WDR87: variants seen among roughly 807,000 people sequenced by gnomAD.
WDR87 encodes the protein WD repeat domain 87, also known as WD repeat-containing protein 87.
A neutral mutation model predicts 83.3 loss-of-function variants in WDR87; 56 were observed. That is an observed-to-expected ratio of 0.67 (90% CI 0.54 to 0.84). The LOEUF is 0.84. WDR87 is among the 40% of genes least tolerant of loss of function. WDR87 has a pLI of 0.00. For synonymous variants in WDR87, 1,173 were observed against 1,250.6 expected, an observed-to-expected ratio of 0.94 and a Z score of 1.31; for missense variants, 2,939 against 3,431.9, an observed-to-expected ratio of 0.86 and a Z score of 3.59.
intron 4 of WDR87, among the ~76,000 whole-genome samples, chr19:37,892,245 G>A (rs2046212242): frequency 6.6e-6 from 1 of 152,112 alleles, no homozygotes; most frequent in African/African-American, 2.4e-5. Context: ...ATTAGCCAGT[G>A]TGGTGGTGCA....
At position 37,894,693 on chromosome 19, in the gene WDR87, G is replaced by A; in HGVS notation, c.1010C>T (p.Thr337Ile). Residue 337 changes from threonine to isoleucine, a missense_variant, in exon 4 of 6, where the codon ACT becomes ATT. By Grantham distance (89) the Thr-to-Ile change is moderately conservative (BLOSUM62 -1). Transcript: ENST00000447313. ...LYRLQFIDSI[T>I]FFCQTAHSFS... ...ACTATGGGCAGTTTGGCAGAAGAAA[G>A]TAATGCTGTCAATAAACTGGAGCCG... 3 of 1,551,758 alleles carry A rather than the reference G, an allele frequency of 1.9e-6. No individual in the cohort carries two copies. The highest frequency in any genetic ancestry group is 2.6e-6 in the Non-Finnish European group (3 of 1,147,006).
chr19:37,894,051 A>G lies in WDR87; in HGVS notation c.1652T>C (p.Leu551Pro). Reference sequence around the variant, plus strand: ...GTGACAGCTGCTGAGAATGCTGGCGAGAGGCCGCAGTTGTACTTTGACCCC... The same window carrying G: ...GTGACAGCTGCTGAGAATGCTGGCGGGAGGCCGCAGTTGTACTTTGACCCC... ...LDGVKVQLRP[L>P]ASILSSCHLT... Residue 551 changes from leucine to proline, a missense_variant, in exon 4 of 6, where the codon CTC becomes CCC. Coordinates refer to ENST00000447313, the MANE Select transcript of WDR87 (RefSeq NM_001291088.2). The G allele has an allele frequency of 6.4e-7, 1 of 1,552,048 alleles. No homozygotes were observed. Among genetic ancestry groups the G allele is most frequent in the South Asian group, 1.2e-5 (1 of 84,062 alleles).
In WDR87 at chr19:37,888,680, TG is replaced by T. The variant is rs771676035; in HGVS notation, c.4990del (p.Gln1664ArgfsTer27). ...KLAQAYVKITQDDREMAQAEG... is the reference protein window; with the variant it reads ...KLAQAYVKITXDDREMAQAEG... ...TGCCTGGGCCATTTCCCTGTCATCC[TG>T]GGTTATTTTCACGTATGCCTGGGCC... On this transcript the variant is annotated frameshift_variant, in exon 6 of 6. Transcript: ENST00000447313. LOFTEE classifies it low-confidence loss of function (END_TRUNC). 1 of 1,551,940 alleles carries T rather than the reference TG, an allele frequency of 6.4e-7. No individual in the cohort carries two copies. The highest frequency in any genetic ancestry group is 1.4e-5 in the African/African-American group (1 of 72,992).
chr19:37,887,795 T>A lies in WDR87; in HGVS notation c.5876A>T (p.Glu1959Val). ...AETEKKLVQV[E>V]DSLAKKQEKL... ...CTCCTGTTTTTTGGCCAAACTATCC[T>A]CTACTTGGACCAATTTTTTCTCTGT... Residue 1959 changes from glutamate (E) to valine (V), a missense_variant, in exon 6 of 6, where the codon GAG becomes GTG. Physicochemically the swap from Glu to Val is moderately radical, Grantham distance 121. Around this residue, in one of 3 missense-constraint regions of WDR87, gnomAD observed 2,160 missense variants for 2,533.1 expected, o/e 0.85. Coordinates refer to ENST00000447313, the MANE Select transcript of WDR87 (RefSeq NM_001291088.2). 1 of 1,551,594 alleles carries A rather than the reference T, an allele frequency of 6.4e-7. No homozygotes were observed.
Position 37,887,159 on chromosome 19 carries a change from A to C in WDR87, c.6512T>G (p.Leu2171Arg). 1.3e-6 allele frequency: 2 copies of C among 1,551,342 alleles called. No individual in the cohort carries two copies. The highest frequency in any genetic ancestry group is 1.7e-6 in the Non-Finnish European group (2 of 1,146,994). The change falls in exon 6 of 6, where the codon CTG (leucine) becomes CGG (arginine). Residue 2171 changes from leucine (L) to arginine (R), a missense_variant. Physicochemically the swap from Leu to Arg is moderately radical, Grantham distance 102 (BLOSUM62 -2). This residue lies in a region of WDR87 where 2,160 missense variants were observed against 2,533.1 expected (regional missense o/e 0.85). Coordinates refer to ENST00000447313, the MANE Select transcript of WDR87 (RefSeq NM_001291088.2). ...EWDFSEKRSELTKDEKKLARK... is the reference protein window; with the variant it reads ...EWDFSEKRSERTKDEKKLARK... ...AGCCAGTTTCTTCTCATCTTTAGTCAGTTCTGATCGTTTTTCAGAAAAATC... is the reference window on the plus strand; with the variant it reads ...AGCCAGTTTCTTCTCATCTTTAGTCCGTTCTGATCGTTTTTCAGAAAAATC...
rs777798103 is a variant in WDR87 at position 37,884,932 on chromosome 19, T to C, written c.8739A>G (p.Ter2913=). ...ALTHTVAPTL[*] is the part of the protein sequence containing the mutation. ...GTCCCAGCCTCCAGTCAGTCCCAAA[T>C]TAGAGAGTGGGAGCAACGGTGTGTG... The change falls in exon 6 of 6, where the codon TAA becomes TAG. Residue 2913 remains the stop codon, a stop_retained_variant. Transcript: ENST00000447313. 1.5e-6 allele frequency: 2 copies of C among 1,293,646 alleles called. No individual in the cohort carries two copies. Among genetic ancestry groups the C allele is most frequent in the Non-Finnish European group, 2.0e-6 (2 of 1,013,998 alleles). The allele number at this position is 1,293,646 out of a possible 1,614,324, so 80.1% of individuals were successfully genotyped here.
chr19:37,887,984 T>C lies in WDR87; in HGVS notation c.5687A>G (p.Lys1896Arg). The change falls in exon 6 of 6, where the codon AAA (lysine) becomes AGA (arginine). Residue 1896 changes from lysine (K) to arginine (R), a missense_variant. This residue lies in a region of WDR87 where 2,160 missense variants were observed against 2,533.1 expected (regional missense o/e 0.85). Transcript: ENST00000447313. ...AQEKEKLAQRKENLLYNKERL... is the reference protein window; with the variant it reads ...AQEKEKLAQRRENLLYNKERL... ...TTCTTTATTATAGAGTAGGTTCTCTTTCCTCTGAGCCAATTTTTCCTTCTC... is the reference window on the plus strand; with the variant it reads ...TTCTTTATTATAGAGTAGGTTCTCTCTCCTCTGAGCCAATTTTTCCTTCTC... The C allele has an allele frequency of 6.5e-7, 1 of 1,550,300 alleles. No individual in the cohort carries two copies. The highest frequency in any genetic ancestry group is 8.7e-7 in the Non-Finnish European group (1 of 1,146,782).
intron 1 of WDR87, among the ~76,000 whole-genome samples, chr19:37,899,081 TTGTTG>T (rs1323573630): frequency 1.6e-5 from 2 of 126,066 alleles, no homozygotes; most frequent in Non-Finnish European, 3.2e-5. Flanking sequence ...CAATGAGTTG[TTGTTG>T]TGTTGTTTTG....
In WDR87 at chr19:37,886,160, G is replaced by A. The variant is rs1318405541; in HGVS notation, c.7511C>T (p.Pro2504Leu). 3.2e-6 allele frequency: 5 copies of A among 1,551,704 alleles called. No homozygotes were observed. The highest frequency in any genetic ancestry group is 3.5e-6 in the Non-Finnish European group (4 of 1,147,000). ...CCTCCTTAATATGTGGGACATAAAT[G>A]GGGTCTTTAAGTCCTGTGCTTGGGA... Reference protein sequence around the residue: ...LESQAQDLKTPFMSHILRRTV... With the variant: ...LESQAQDLKTLFMSHILRRTV... Residue 2504 changes from proline to leucine, a missense_variant, in exon 6 of 6, where the codon CCA (proline) becomes CTA (leucine). Pro to Leu is a moderately conservative substitution (Grantham distance 98). Around this residue, in one of 3 missense-constraint regions of WDR87, gnomAD observed 2,160 missense variants for 2,533.1 expected, o/e 0.85. Coordinates refer to ENST00000447313, the MANE Select transcript of WDR87 (RefSeq NM_001291088.2).
At chr19:37,892,472 A>G in intron 4 of WDR87, 106 bp downstream of exon 4, 2 of 1,110,606 alleles carry the variant, frequency 1.8e-6, no homozygotes, top group South Asian at 1.8e-5. Flanking sequence ...GCTATGAGAA[A>G]GAAGAAACAT....
chr19:37,887,229 G>C lies in WDR87; in HGVS notation c.6442C>G (p.Arg2148Gly). Reference protein sequence around the residue: ...KMKRALFVKERRLSIEQSKLD... With the variant: ...KMKRALFVKEGRLSIEQSKLD... ...TTACTCTGTTCTATACTCAACCTGC[G>C]CTCCTTAACAAAGAGTGCCCTCTTC... The change falls in exon 6 of 6, where the codon CGC becomes GGC. Residue 2148 changes from arginine to glycine, a missense_variant. Arg to Gly is a moderately radical substitution (Grantham distance 125). Transcript: ENST00000447313. 6.4e-7 allele frequency: 1 copy of C among 1,551,666 alleles called. No homozygotes were observed.
intron 1 of WDR87, among the ~76,000 whole-genome samples, chr19:37,901,919 G>A (rs1313765246): frequency 4.6e-5 from 7 of 151,890 alleles, no homozygotes; most frequent in African/African-American, 1.5e-4. Context: ...GTCTCCCTAT[G>A]TTGCTTAGGT....
Position 37,898,244 on chromosome 19 carries a change from G to A in WDR87, c.-5C>T, listed in dbSNP as rs189596397. ...AATGAGCCTGGGGGAAGACATCACC[G>A]TCAGACTCCCTTGGCCCTCCTGAGG... On this transcript the variant is annotated 5_prime_UTR_variant, in exon 2 of 6. In the 5' UTR this introduces an upstream ATG that the reference lacks. Transcript: ENST00000447313. The A allele has an allele frequency of 2.7e-5, 42 of 1,551,304 alleles. No individual in the cohort carries two copies. The highest frequency in any genetic ancestry group is 2.4e-4 in the Admixed American group (12 of 50,956).
In WDR87 at chr19:37,895,071, AG is replaced by A; in HGVS notation, c.631del (p.Leu211TrpfsTer8). ...IVLNGPSGSL[L>X]ALCETVVRVL... ...CCTCACCACCGTCTCACACAGGGCC[AG>A]GAGGGAGCCACTGGGACCATTCAGC... On this transcript the variant is annotated frameshift_variant, in exon 4 of 6. Transcript: ENST00000447313. LOFTEE classifies it high-confidence loss of function. The A allele has an allele frequency of 6.4e-7, 1 of 1,551,720 alleles. No individual in the cohort carries two copies. Among genetic ancestry groups the A allele is most frequent in the Non-Finnish European group, 8.7e-7 (1 of 1,146,986 alleles).
intron 1 of WDR87, among the ~76,000 whole-genome samples, chr19:37,899,150 G>C (rs536463271): frequency 6.6e-6 from 1 of 152,076 alleles, no homozygotes; most frequent in Non-Finnish European, 1.5e-5. Context: ...TGGGCACCGT[G>C]GCTCACGCCT....
chr19:37,904,114 C>T (rs1311146873), intron 1 of WDR87, among the ~76,000 whole-genome samples: 4 of 152,032 alleles, frequency 2.6e-5, no homozygotes, highest in South Asian at 2.1e-4. Context: ...ATGTTAGCCT[C>T]GATGGTCTCA....
rs1354987063 is a variant in WDR87, at chr19:37,886,465, C to T, written c.7206G>A (p.Arg2402=). 5.9e-6 allele frequency: 9 copies of T among 1,527,178 alleles called. No individual in the cohort carries two copies. Among genetic ancestry groups the T allele is most frequent in the Non-Finnish European group, 7.9e-6 (9 of 1,140,650 alleles). The allele number at this position is 1,527,178 out of a possible 1,614,324, so 94.6% of individuals were successfully genotyped here. ...QEQRRKSLRG[R]ERVLSILRGV... ...CTCTTAAAATGGAAAGGACTCTTTC[C>T]CTTCCTCTTAGGCTCTTTCTTCTTT... The change falls in exon 6 of 6, where the codon AGG becomes AGA. Residue 2402 remains arginine (R), a synonymous_variant. Transcript: ENST00000447313.
intron 3 of WDR87, 124 bp downstream of exon 3, chr19:37,896,014 G>A: frequency 7.9e-7 from 1 of 1,267,752 alleles, no homozygotes; most frequent in Non-Finnish European, 1.1e-6. Context: ...AGGATGAGGA[G>A]AGATTTCTGG....
At position 37,894,121 on chromosome 19, in the gene WDR87, A is replaced by G; in HGVS notation, c.1582T>C (p.Tyr528His). The part of the protein sequence containing the change: ...GGQGNSLLCS[Y>H]GMDDYVHLSE... The stretch of plus-strand genomic sequence containing the variant: ...AGGTGCACATAGTCATCCATTCCAT[A>G]GGAACAGAGCAGAGAGTTTCCTTGG... Residue 528 changes from tyrosine to histidine, a missense_variant, in exon 4 of 6, where the codon TAT becomes CAT. By Grantham distance (83) the Tyr-to-His change is moderately conservative. This residue lies in a region of WDR87 where 553 missense variants were observed against 577.9 expected (regional missense o/e 0.96). Coordinates refer to ENST00000447313, the MANE Select transcript of WDR87 (RefSeq NM_001291088.2). 1 of 1,552,368 alleles carries G rather than the reference A, an allele frequency of 6.4e-7. No homozygotes were observed. The highest frequency in any genetic ancestry group is 8.7e-7 in the Non-Finnish European group (1 of 1,147,146).
Sources: gnomAD v4.1 joint callset for allele counts (sites outside exome capture counted in the v4.1 genomes callset) on GRCh38, gnomAD v4.1.1 for gene constraint, gnomAD v4.1.1 regional missense constraint, MANE v1.5 for transcripts, NCBI Gene and HGNC (gene_info 2026-07-23, HGNC 2026-07-21) for gene names.